Variants in TENM2 observed in about 807,000 individuals in gnomAD.
TENM2 encodes teneurin-2.
A neutral mutation model predicts 245.2 loss-of-function variants in TENM2; 52 were observed. That is an observed-to-expected ratio of 0.21 (90% CI 0.17 to 0.27). The LOEUF is 0.27. Among genes scored for constraint, TENM2 ranks in the 10% least tolerant of loss-of-function variants. The probability of loss-of-function intolerance (pLI) is 1.00; values close to 1 mark genes in which losing one functional copy is unlikely to be tolerated. For missense variants in TENM2, 3,046 were observed against 3,666.8 expected, an observed-to-expected ratio of 0.83 and a Z score of 4.37; for synonymous variants, 1,363 against 1,438.9, an observed-to-expected ratio of 0.95 and a Z score of 1.19.
chr5:167,150,940 A>G, the TENM2 span, among the ~76,000 whole-genome samples: 1 of 152,160 alleles, frequency 6.6e-6, no homozygotes, highest in Non-Finnish European at 1.5e-5. Context: ...CATCACAACA[A>G]TCTTATGAGA....
At chr5:168,213,705 G>A (rs560981118) in intron 20 of TENM2, among the ~76,000 whole-genome samples, 6 of 152,112 alleles carry the variant, frequency 3.9e-5, no homozygotes, top group Admixed American at 3.3e-4. Context: ...ATGGTGGCAT[G>A]CACCTGTAGT....
chr5:167,135,541 C>G, the TENM2 span, among the ~76,000 whole-genome samples: 1 of 152,092 alleles, frequency 6.6e-6, no homozygotes, highest in African/African-American at 2.4e-5. Context: ...CTTTGGGAGG[C>G]TGAGGTGGGC....
At chr5:167,012,603 A>G in the TENM2 span, among the ~76,000 whole-genome samples, 1 of 152,192 alleles carries the variant, frequency 6.6e-6, no homozygotes, top group Non-Finnish European at 1.5e-5. Flanking sequence ...TGTCAAAAGA[A>G]CTTTCCAGGG....
At chr5:167,910,831 A>C (rs1228828415) in intron 3 of TENM2, among the ~76,000 whole-genome samples, 1 of 152,234 alleles carries the variant, frequency 6.6e-6, no homozygotes, top group African/African-American at 2.4e-5. Flanking sequence ...CCTAAGTTAC[A>C]TTAAAATAAG....
At chr5:168,094,577 C>G (rs1650428146) in intron 8 of TENM2, among the ~76,000 whole-genome samples, 1 of 151,942 alleles carries the variant, frequency 6.6e-6, no homozygotes, top group African/African-American at 2.4e-5. Flanking sequence ...AGCAGGGGTC[C>G]TCAACCCTAG....
intron 2 of TENM2, among the ~76,000 whole-genome samples, chr5:167,387,657 T>C (rs1036123049): frequency 1.3e-5 from 2 of 152,168 alleles, no homozygotes; most frequent in African/African-American, 4.8e-5. Context: ...TGGGGGTTTG[T>C]CATAGGTGGC....
chr5:167,451,452 A>G (rs1765577296), intron 2 of TENM2, among the ~76,000 whole-genome samples: 1 of 152,160 alleles, frequency 6.6e-6, no homozygotes, highest in African/African-American at 2.4e-5. Context: ...ATTCAGATTT[A>G]TCTTATCTGG....
intron 1 of TENM2, among the ~76,000 whole-genome samples, chr5:167,373,958 G>A (rs1240560635): frequency 1.3e-5 from 2 of 152,176 alleles, no homozygotes; most frequent in African/African-American, 4.8e-5. Flanking sequence ...GTCAGATCAT[G>A]AGTTCCCCCT....
chr5:167,270,949 T>C, the TENM2 span, among the ~76,000 whole-genome samples: 1 of 152,104 alleles, frequency 6.6e-6, no homozygotes, highest in Admixed American at 6.6e-5. Context: ...ATAACTTACT[T>C]TAGGAGCCTA....
chr5:167,934,288 A>G (rs1778521351), intron 3 of TENM2, among the ~76,000 whole-genome samples: 1 of 152,198 alleles, frequency 6.6e-6, no homozygotes, highest in South Asian at 2.1e-4. Context: ...TTTTATCCCT[A>G]AACTATCAGA....
At chr5:167,790,441 C>A (rs577362996) in intron 2 of TENM2, among the ~76,000 whole-genome samples, 1 of 152,288 alleles carries the variant, frequency 6.6e-6, no homozygotes, top group African/African-American at 2.4e-5. Context: ...TTAGAAAATG[C>A]ACACGCTTGC....
intron 1 of TENM2, among the ~76,000 whole-genome samples, chr5:167,304,375 A>G (rs1755539742): frequency 6.6e-6 from 1 of 152,138 alleles, no homozygotes; most frequent in Non-Finnish European, 1.5e-5. Flanking sequence ...TCCCCAGTAA[A>G]CTACTTGTTC....
intron 7 of TENM2, among the ~76,000 whole-genome samples, chr5:168,072,340 T>C (rs1402791276): frequency 6.6e-6 from 1 of 152,130 alleles, no homozygotes; most frequent in African/African-American, 2.4e-5. Flanking sequence ...AGGTCAACAT[T>C]ATGGCTCGCT....
intron 3 of TENM2, among the ~76,000 whole-genome samples, chr5:167,884,303 A>G (rs1774111142): frequency 6.6e-6 from 1 of 152,146 alleles, no homozygotes; most frequent in Non-Finnish European, 1.5e-5. Context: ...GTAGAGTTCT[A>G]TGGCTTTAAG....
the TENM2 span, among the ~76,000 whole-genome samples, chr5:167,149,230 C>G: frequency 6.6e-6 from 1 of 151,794 alleles, no homozygotes; most frequent in East Asian, 1.9e-4. Flanking sequence ...TTTTTCTCCC[C>G]TGATAGATTG....
At chr5:167,289,121 C>A (rs1282223218) in intron 1 of TENM2, among the ~76,000 whole-genome samples, 1 of 152,160 alleles carries the variant, frequency 6.6e-6, no homozygotes, top group African/African-American at 2.4e-5. Flanking sequence ...TACCTCTCTA[C>A]CAACCACCAC....
the TENM2 span, among the ~76,000 whole-genome samples, chr5:167,218,615 A>G: frequency 3.4e-3 from 520 of 152,304 alleles, 4 homozygotes; most frequent in African/African-American, 0.012. Context: ...AGGAAAAATG[A>G]AGCATCTGAA....
Position 167,800,713 on chromosome 5 carries a change from T to A in TENM2, c.503-75273T>A, listed in dbSNP as rs926270719. 2.6e-5 allele frequency among the ~76,000 whole-genome samples: 4 copies of A among 152,180 alleles called. No homozygotes were observed. In the East Asian group the frequency reaches 5.8e-4, roughly 22 times the overall value. Reference sequence around the variant, plus strand: ...CCGTGGGCTTTGCCAAGGGCTGCTGTCTTTATGTGTGTTTTCCACAAGGCC... The same window carrying A: ...CCGTGGGCTTTGCCAAGGGCTGCTGACTTTATGTGTGTTTTCCACAAGGCC... On this transcript the variant is annotated intron_variant, in intron 2 of 28. Coordinates refer to ENST00000518659, the Ensembl canonical transcript of TENM2.
intron 7 of TENM2, among the ~76,000 whole-genome samples, chr5:168,065,387 G>A (rs7705176): frequency 0.24 from 37,040 of 151,992 alleles, 4,873 homozygotes; most frequent in East Asian, 0.46. Flanking sequence ...ACATTAACCA[G>A]GGGACCTTGA....
Sources: allele counts gnomAD v4.1 joint callset (sites outside exome capture counted in the v4.1 genomes callset), GRCh38; gene constraint gnomAD v4.1.1; transcripts MANE v1.5; gene names NCBI Gene and HGNC (gene_info 2026-07-23, HGNC 2026-07-21).